The following POU6F2 variants were observed in gnomAD, a reference collection of about 807,000 sequenced individuals.
The protein encoded by POU6F2 is POU class 6 homeobox 2.
A neutral mutation model predicts 71.3 loss-of-function variants in POU6F2; 31 were observed. The ratio of observed to expected loss-of-function variants is 0.43; its 90% CI spans 0.33 to 0.59. The LOEUF (loss-of-function observed/expected upper bound fraction) is 0.59, where lower values mean the gene tolerates loss of function less well. Ranked by LOEUF, POU6F2 falls within the 20% of genes least tolerant of loss-of-function variation. The probability of loss-of-function intolerance (pLI) is 0.04; values close to 1 mark genes in which losing one functional copy is unlikely to be tolerated. For missense variants in POU6F2, 783 were observed against 856.8 expected (o/e 0.91, Z 1.07); for synonymous variants, 347 against 355.7 (o/e 0.98, Z 0.27).
intron 2 of POU6F2, among the ~76,000 whole-genome samples, chr7:39,114,366 G>A (rs1267809692): frequency 6.6e-6 from 1 of 151,780 alleles, no homozygotes; most frequent in Non-Finnish European, 1.5e-5. Flanking sequence ...TGGGAATTTA[G>A]CATTTACCCT....
intron 2 of POU6F2, among the ~76,000 whole-genome samples, chr7:39,185,122 A>G (rs965054742): frequency 1.3e-5 from 2 of 152,180 alleles, no homozygotes; most frequent in Non-Finnish European, 2.9e-5. Context: ...GCTGATGTTT[A>G]TCCATTGTTA....
At chr7:38,993,103 A>G (rs1424652944) in intron 1 of POU6F2, among the ~76,000 whole-genome samples, 2 of 152,152 alleles carry the variant, frequency 1.3e-5, no homozygotes, top group Non-Finnish European at 2.9e-5. Flanking sequence ...ATGTTAATGG[A>G]CTATTTTTTA....
chr7:39,228,522 A>C (rs1455178725), intron 4 of POU6F2, among the ~76,000 whole-genome samples: 1 of 152,198 alleles, frequency 6.6e-6, no homozygotes, highest in African/African-American at 2.4e-5. Flanking sequence ...TTCGGTTCAT[A>C]ACATTTCTAG....
intron 1 of POU6F2, among the ~76,000 whole-genome samples, chr7:38,993,351 T>C (rs182477913): frequency 1.2e-3 from 181 of 152,230 alleles, no homozygotes; most frequent in African/African-American, 3.8e-3. Context: ...CAGTAAAAAA[T>C]GCAGTGTTGA....
intron 4 of POU6F2, among the ~76,000 whole-genome samples, chr7:39,254,082 A>G (rs908127849): frequency 1.3e-5 from 2 of 151,898 alleles, no homozygotes; most frequent in Non-Finnish European, 2.9e-5. Flanking sequence ...TAATTTTCTC[A>G]CTCTGTGCAA....
intron 5 of POU6F2, among the ~76,000 whole-genome samples, chr7:39,371,601 G>A (rs569069340): frequency 6.6e-6 from 1 of 152,192 alleles, no homozygotes; most frequent in South Asian, 2.1e-4. Flanking sequence ...CAAGTCCACT[G>A]GCTATTCTGT....
intron 2 of POU6F2, among the ~76,000 whole-genome samples, chr7:39,135,985 A>G (rs771060007): frequency 6.6e-6 from 1 of 152,234 alleles, no homozygotes; most frequent in Non-Finnish European, 1.5e-5. Context: ...TATAGCAGCA[A>G]TAAACATTGT....
chr7:39,151,626 C>T (rs1380838552), intron 2 of POU6F2, among the ~76,000 whole-genome samples: 1 of 152,160 alleles, frequency 6.6e-6, no homozygotes, highest in African/African-American at 2.4e-5. Context: ...GAGACAATGC[C>T]TGATCCTACC....
chr7:39,067,098 A>C (rs2128717247), intron 1 of POU6F2, among the ~76,000 whole-genome samples: 1 of 149,550 alleles, frequency 6.7e-6, no homozygotes, highest in East Asian at 1.9e-4. Context: ...ACACATATAT[A>C]TGGCATTATA....
intron 1 of POU6F2, among the ~76,000 whole-genome samples, chr7:39,032,155 CA>C (rs1481278005): frequency 1.3e-5 from 2 of 152,002 alleles, no homozygotes; most frequent in African/African-American, 4.8e-5. Context: ...TTTTGTTTAC[CA>C]GTGGGCATTG....
chr7:39,212,234 C>G (rs945972314), intron 4 of POU6F2, among the ~76,000 whole-genome samples: 1 of 152,132 alleles, frequency 6.6e-6, no homozygotes, highest in African/African-American at 2.4e-5. Flanking sequence ...CAAGCTGAGC[C>G]TCTCTCATCA....
chr7:39,001,320 T>C (rs375069445), intron 1 of POU6F2, among the ~76,000 whole-genome samples: 92 of 152,288 alleles, frequency 6.0e-4, no homozygotes, highest in Middle Eastern at 3.4e-3. Flanking sequence ...CGATATATTA[T>C]TTAATTCATG....
chr7:39,242,084 T>C (rs1783735694), intron 4 of POU6F2, among the ~76,000 whole-genome samples: 1 of 152,202 alleles, frequency 6.6e-6, no homozygotes, highest in Non-Finnish European at 1.5e-5. Context: ...TGTGTGGATA[T>C]ACCACAGTTT....
chr7:39,102,607 T>C (rs1205550194), intron 2 of POU6F2, among the ~76,000 whole-genome samples: 1 of 152,182 alleles, frequency 6.6e-6, no homozygotes, highest in Non-Finnish European at 1.5e-5. Flanking sequence ...TACTATCCTA[T>C]CTAGGGACAG....
intron 4 of POU6F2, among the ~76,000 whole-genome samples, chr7:39,258,381 T>C (rs1481988545): frequency 6.6e-6 from 1 of 152,180 alleles, no homozygotes; most frequent in African/African-American, 2.4e-5. Flanking sequence ...AGCCTGGGAT[T>C]TTATCCAGAC....
chr7:39,406,104 G>C (rs1787420658), intron 5 of POU6F2: 1 of 154,518 alleles, frequency 6.5e-6, no homozygotes. Context: ...TGGAACACCT[G>C]CCTCGCTCGA....
chr7:39,213,323 T>C (rs1295351848), intron 4 of POU6F2, among the ~76,000 whole-genome samples: 1 of 152,228 alleles, frequency 6.6e-6, no homozygotes. Context: ...CTGTGGATGC[T>C]GAAGTACCTG....
intron 4 of POU6F2, among the ~76,000 whole-genome samples, chr7:39,263,263 C>G (rs1784172672): frequency 6.6e-6 from 1 of 152,178 alleles, no homozygotes. Context: ...GTTTTGAAAT[C>G]ACCCAGAGTT....
At chr7:39,286,183 T>C (rs532043747) in intron 4 of POU6F2, among the ~76,000 whole-genome samples, 1 of 152,258 alleles carries the variant, frequency 6.6e-6, no homozygotes, top group East Asian at 1.9e-4. Flanking sequence ...TATACGGTCA[T>C]ACATCTATCC....
Sources: gnomAD v4.1 joint callset for allele counts (sites outside exome capture counted in the v4.1 genomes callset) on GRCh38, gnomAD v4.1.1 for gene constraint, MANE v1.5 for transcripts, NCBI Gene and HGNC (gene_info 2026-07-23, HGNC 2026-07-21) for gene names.